CNDP1: variants seen among roughly 807,000 people sequenced by gnomAD.
The protein encoded by CNDP1 is beta-Ala-His dipeptidase.
CNDP1 carries 44 observed loss-of-function variants against 58.1 expected under a neutral mutation model. That is an observed-to-expected ratio of 0.76 (90% CI 0.60 to 0.97). The LOEUF is 0.97. Ranked by LOEUF, CNDP1 falls within the 50% of genes least tolerant of loss-of-function variation. The probability of loss-of-function intolerance (pLI) is 0.00; values close to 1 mark genes in which losing one functional copy is unlikely to be tolerated. For synonymous variants in CNDP1, 254 were observed against 252.6 expected, an observed-to-expected ratio of 1.01 and a Z score of -0.05; for missense variants, 616 against 655.1, an observed-to-expected ratio of 0.94 and a Z score of 0.65.
chr18:74,565,986 G>C (rs1981318250), intron 5 of CNDP1, among the ~76,000 whole-genome samples: 1 of 152,230 alleles, frequency 6.6e-6, no homozygotes, highest in Non-Finnish European at 1.5e-5. Flanking sequence ...TCTAGTTAGA[G>C]GTTCCCACAC....
In CNDP1 at chr18:74,545,624, C is replaced by T. The variant is rs1166362640; in HGVS notation, c.25-10714C>T. ...CCACCCCTCCTCTGTCCCCAGTCCA[C>T]GTCTCTCTCAACTCCCCACTCCCTC... On this transcript the variant is annotated intron_variant, in intron 1 of 11. Transcript: ENST00000358821. This position sits in a 1 kb window ranked among gnomAD's most constrained non-coding sequence, Gnocchi z 4.1. Among the ~76,000 whole-genome samples, 1 of 152,212 alleles carries T rather than the reference C, an allele frequency of 6.6e-6. No individual in the cohort carries two copies. Among genetic ancestry groups the T allele is most frequent in the Non-Finnish European group, 1.5e-5 (1 of 67,996 alleles).
intron 3 of CNDP1, among the ~76,000 whole-genome samples, chr18:74,559,943 G>A (rs2144655650): frequency 6.6e-6 from 1 of 151,556 alleles, no homozygotes; most frequent in South Asian, 2.1e-4. Flanking sequence ...TAGCACTGAG[G>A]AACCTCAGGA....
At chr18:74,581,009 A>C (rs1048302581) in intron 10 of CNDP1, among the ~76,000 whole-genome samples, 17 of 152,166 alleles carry the variant, frequency 1.1e-4, no homozygotes, top group African/African-American at 4.1e-4. Flanking sequence ...CTTGTATGAC[A>C]TCAGAGGAAA....
At chr18:74,574,806 T>G (rs1009435667) in intron 7 of CNDP1, 1 of 152,214 alleles carries the variant, frequency 6.6e-6, no homozygotes, top group Non-Finnish European at 1.5e-5. Flanking sequence ...TTCCCTGTGA[T>G]GGCGTTTCAG....
At chr18:74,584,418 C>G in intron 11 of CNDP1, 78 bp from the exon 12 acceptor site, 3 of 983,760 alleles carry the variant, frequency 3.0e-6, no homozygotes, top group Non-Finnish European at 1.6e-6. Context: ...ATCTTCCTGT[C>G]TAAATGACAG....
chr18:74,559,612 A>C, intron 3 of CNDP1, 140 bp downstream of exon 3: 3 of 750,110 alleles, frequency 4.0e-6, no homozygotes, highest in Non-Finnish European at 4.1e-6. Flanking sequence ...AAGATGAAAC[A>C]TTCCCCTGGT....
rs1001586524 is a variant in CNDP1 at position 74,545,759 on chromosome 18, G to A, written c.25-10579G>A. Among the ~76,000 whole-genome samples the A allele has an allele frequency of 2.0e-5, 3 of 152,056 alleles. No homozygotes were observed. The highest frequency in any genetic ancestry group is 2.9e-5 in the Non-Finnish European group (2 of 68,020). ...GCAGGTATTCTGTAAATATCCTATCGACACTTTTACACAAAAATCACTCAA... is the reference window on the plus strand; with the variant it reads ...GCAGGTATTCTGTAAATATCCTATCAACACTTTTACACAAAAATCACTCAA... On this transcript the variant is annotated intron_variant, in intron 1 of 11. Transcript: ENST00000358821. This position sits in a 1 kb window ranked among gnomAD's most constrained non-coding sequence, Gnocchi z 4.1.
intron 7 of CNDP1, among the ~76,000 whole-genome samples, chr18:74,573,974 C>T (rs542235483): frequency 6.6e-6 from 1 of 152,220 alleles, no homozygotes; most frequent in Non-Finnish European, 1.5e-5. Flanking sequence ...AACATAAGGA[C>T]ATAGTGTTGA....
intron 6 of CNDP1, 52 bp from the exon 7 acceptor site, chr18:74,571,134 C>G: frequency 7.9e-7 from 1 of 1,267,044 alleles, no homozygotes; most frequent in Non-Finnish European, 1.2e-6. Context: ...AATGCTTACA[C>G]TAAAGGAACC....
rs769197233 is a variant in CNDP1, at chr18:74,562,075, CA to C, written c.497del (p.Asn166ThrfsTer12). 6.2e-7 allele frequency: 1 copy of C among 1,614,152 alleles called. No homozygotes were observed. Among genetic ancestry groups the C allele is most frequent in the Non-Finnish European group, 8.5e-7 (1 of 1,179,998 alleles). On this transcript the variant is annotated frameshift_variant, in exon 5 of 12. Coordinates refer to ENST00000358821, the MANE Select transcript of CNDP1 (RefSeq NM_032649.6). LOFTEE classifies it high-confidence loss of function. The part of the protein sequence containing the change: ...GKLYGRGATD[N>X]KGPVLAWINA... Reference sequence around the variant, plus strand: ...AACTTTATGGACGAGGAGCGACCGACAACAAAGGCCCTGTCTTGGCTTGGAT... The same window carrying C: ...AACTTTATGGACGAGGAGCGACCGACACAAAGGCCCTGTCTTGGCTTGGAT...
At chr18:74,580,029 T>A (rs972884631) in intron 9 of CNDP1, 101 bp from the exon 10 acceptor site, 2 of 1,005,828 alleles carry the variant, frequency 2.0e-6, no homozygotes, top group Admixed American at 4.6e-5. Flanking sequence ...TGGAAGAGGC[T>A]ATATTAACTG....
intron 1 of CNDP1, among the ~76,000 whole-genome samples, chr18:74,553,650 A>C (rs1980965465): frequency 6.6e-6 from 1 of 152,212 alleles, no homozygotes; most frequent in South Asian, 2.1e-4. Context: ...ACTCTCCAGA[A>C]TATTTATAAC....
At chr18:74,574,852 C>T (rs561633461) in intron 7 of CNDP1, 1 of 152,128 alleles carries the variant, frequency 6.6e-6, no homozygotes, top group Non-Finnish European at 1.5e-5. Context: ...CTCCACAGCT[C>T]TCTAATCAGA....
At chr18:74,555,919 T>C (rs1029754946) in intron 1 of CNDP1, among the ~76,000 whole-genome samples, 1 of 152,252 alleles carries the variant, frequency 6.6e-6, no homozygotes, top group African/African-American at 2.4e-5. Flanking sequence ...TCAGAAATTC[T>C]TTTGTCTAAT....
Position 74,561,019 on chromosome 18 carries a change from G to T in CNDP1, c.466+1G>T. 6.2e-7 allele frequency: 1 copy of T among 1,610,808 alleles called. No individual in the cohort carries two copies. Among genetic ancestry groups the T allele is most frequent in the Non-Finnish European group, 8.5e-7 (1 of 1,177,422 alleles). The stretch of plus-strand genomic sequence containing the variant: ...CCCTATGTGCTGACGGAGGTAGACG[G>T]TCAGTGAGGCGCCCGGGCTACAGTG... On this transcript the variant is annotated splice_donor_variant, in intron 4 of 11. Transcript: ENST00000358821. LOFTEE classifies it high-confidence loss of function.
intron 6 of CNDP1, among the ~76,000 whole-genome samples, chr18:74,570,208 ATAATAATAAT>A (rs1324175870): frequency 2.6e-3 from 190 of 71,766 alleles, no homozygotes; most frequent in Non-Finnish European, 3.3e-3. Context: ...CAAAATAATA[ATAATAATAAT>A]TAATAATAAT....
intron 1 of CNDP1, among the ~76,000 whole-genome samples, chr18:74,552,449 C>T (rs1251501638): frequency 6.6e-6 from 1 of 152,176 alleles, no homozygotes; most frequent in African/African-American, 2.4e-5. Flanking sequence ...TGGGTAACCA[C>T]CAATCTACTT....
At chr18:74,559,551 A>G in intron 3 of CNDP1, 79 bp downstream of exon 3, 1 of 1,385,000 alleles carries the variant, frequency 7.2e-7, no homozygotes, top group Non-Finnish European at 9.8e-7. Flanking sequence ...GGCAAGGGAG[A>G]GGCTCACCCT....
chr18:74,560,706 A>T, intron 3 of CNDP1, 150 bp from the exon 4 acceptor site: 4 of 771,300 alleles, frequency 5.2e-6, no homozygotes, highest in South Asian at 5.1e-5. Context: ...AAAAAGAAAA[A>T]AAAAGTGTTT....
Sources: gnomAD v4.1 joint callset for allele counts (sites outside exome capture counted in the v4.1 genomes callset) on GRCh38, gnomAD v4.1.1 for gene constraint, Gnocchi (gnomAD v3.1) non-coding constraint, MANE v1.5 for transcripts, NCBI Gene and HGNC (gene_info 2026-07-23, HGNC 2026-07-21) for gene names.